The following SLC25A48 variants were observed in gnomAD, a reference collection of about 807,000 sequenced individuals.
SLC25A48 encodes solute carrier family 25 member 48.
A neutral mutation model predicts 32.2 loss-of-function variants in SLC25A48; 29 were observed. The observed-to-expected ratio is 0.90, with a 90% CI of 0.67 to 1.23. The LOEUF is 1.23. Among genes scored for constraint, SLC25A48 ranks in the 50% most tolerant of loss-of-function variants. SLC25A48 has a pLI of 0.00. For synonymous variants in SLC25A48, 164 were observed against 172.3 expected (o/e 0.95, Z 0.38); for missense variants, 399 against 422.7 (o/e 0.94, Z 0.49).
intron 1 of SLC25A48, among the ~76,000 whole-genome samples, chr5:135,589,152 T>C (rs1018405837): frequency 6.6e-6 from 1 of 152,246 alleles, no homozygotes; most frequent in African/African-American, 2.4e-5. Context: ...TCATAAACGC[T>C]GTATAATCCC....
Position 135,701,343 on chromosome 5 carries a change from G to A in SLC25A48, c.-521+66387G>A, listed in dbSNP as rs537629321. Among the ~76,000 whole-genome samples the A allele has an allele frequency of 1.7e-3, 263 of 152,212 alleles. 1 individual carries two copies. The highest frequency in any genetic ancestry group is 6.2e-3 in the African/African-American group (256 of 41,542). On this transcript the variant is annotated intron_variant, in intron 3 of 10. Coordinates refer to the SLC25A48 transcript ENST00000646290. The stretch of plus-strand genomic sequence containing the variant: ...GGTTCAACAACTTCACATCTTGGGA[G>A]TTTTTTTCTGATAATCACCTCTACC...
At chr5:135,603,825 C>A (rs944280959) in intron 1 of SLC25A48, among the ~76,000 whole-genome samples, 15 of 151,490 alleles carry the variant, frequency 9.9e-5, no homozygotes, top group Admixed American at 3.3e-4. Context: ...GCTCTGTGAC[C>A]ATGATCGGGC....
At chr5:135,782,358 C>A (rs1420886919) in intron 3 of SLC25A48, among the ~76,000 whole-genome samples, 1 of 116,436 alleles carries the variant, frequency 8.6e-6, no homozygotes, top group African/African-American at 2.6e-5. Context: ...ACCCCCCTTT[C>A]TCGTTCCTAA....
intron 3 of SLC25A48, among the ~76,000 whole-genome samples, chr5:135,635,834 C>T (rs1486518144): frequency 2.6e-5 from 4 of 152,164 alleles, no homozygotes; most frequent in African/African-American, 9.7e-5. Context: ...TGACAGGAAA[C>T]CCACTACCTC....
At chr5:135,631,480 C>T (rs1483371538) in intron 2 of SLC25A48, among the ~76,000 whole-genome samples, 1 of 152,216 alleles carries the variant, frequency 6.6e-6, no homozygotes, top group African/African-American at 2.4e-5. Flanking sequence ...TCAAGAATTG[C>T]TCTGTGCAAC....
chr5:135,624,847 A>G (rs1274708247), intron 1 of SLC25A48, among the ~76,000 whole-genome samples: 2 of 152,236 alleles, frequency 1.3e-5, no homozygotes, highest in Non-Finnish European at 2.9e-5. Context: ...TATGGCCAAC[A>G]GATCCGATTT....
chr5:135,839,053 C>T (rs4320253), intron 1 of SLC25A48, among the ~76,000 whole-genome samples: 28,402 of 152,208 alleles, frequency 0.19, 2,790 homozygotes, highest in Middle Eastern at 0.25. Flanking sequence ...TTGCCAGCCT[C>T]ATGGGTATTA....
In SLC25A48 at chr5:135,603,134, G is replaced by A. The variant is rs139033898; in HGVS notation, c.-849+23537G>A. On this transcript the variant is annotated intron_variant, in intron 1 of 10. Coordinates refer to the SLC25A48 transcript ENST00000646290. ...GGGAAAACAGAAAAGTCACTCCCAA[G>A]CCTCCAGCCCAGGCCCATATCCTGG... 3.2e-3 allele frequency among the ~76,000 whole-genome samples: 480 copies of A among 152,288 alleles called. 3 individuals are homozygous for A. The highest frequency in any genetic ancestry group is 0.011 in the African/African-American group (445 of 41,556).
chr5:135,581,691 C>T (rs1042415137), intron 1 of SLC25A48, among the ~76,000 whole-genome samples: 2 of 152,206 alleles, frequency 1.3e-5, no homozygotes, highest in Non-Finnish European at 2.9e-5. Flanking sequence ...GTCAGACGTC[C>T]CAGTGTTTTG....
At position 135,588,704 on chromosome 5, in the gene SLC25A48, C is replaced by T. The variant is rs1580704061; in HGVS notation, c.-849+9107C>T. Among the ~76,000 whole-genome samples the T allele has an allele frequency of 2.0e-5, 3 of 152,232 alleles. No homozygotes were observed. In the East Asian group the frequency reaches 5.8e-4, roughly 29 times the overall value. On this transcript the variant is annotated intron_variant, in intron 1 of 10. Transcript: ENST00000646290. ...GAGAGGGGTGAGTGAAGGTGACCCG[C>T]AGGGACAGGGCAGCTGAGGTCCAGC...
chr5:135,618,827 C>T (rs760806205), intron 1 of SLC25A48, among the ~76,000 whole-genome samples: 2 of 151,138 alleles, frequency 1.3e-5, no homozygotes, highest in Non-Finnish European at 1.5e-5. Flanking sequence ...ATCATTCTCT[C>T]CTGGCCTGTA....
At chr5:135,785,699 A>T (rs1756824539) in intron 3 of SLC25A48, among the ~76,000 whole-genome samples, 1 of 146,582 alleles carries the variant, frequency 6.8e-6, no homozygotes, top group Non-Finnish European at 1.5e-5. Flanking sequence ...CCAGTGGATC[A>T]TAATATCCAG....
chr5:135,832,718 G>A (rs773363810), upstream of SLC25A48, among the ~76,000 whole-genome samples: 5 of 152,202 alleles, frequency 3.3e-5, no homozygotes, highest in Non-Finnish European at 5.9e-5. Flanking sequence ...GCCTGAAAGG[G>A]TAAATAAGAA....
intron 3 of SLC25A48, among the ~76,000 whole-genome samples, chr5:135,665,646 C>T (rs941518271): frequency 2.0e-5 from 3 of 151,954 alleles, no homozygotes; most frequent in Non-Finnish European, 4.4e-5. Context: ...ATGTGGCTAG[C>T]AAGTTTTCCC....
chr5:135,707,131 G>T lies in SLC25A48; in HGVS notation c.-521+72175G>T, dbSNP rs559798857. ...TGTGCTGCAGGAGAAGTGGGGTAGGGTGGAAGCTGTCCAGGGAAGCTCCCA... is the reference window on the plus strand; with the variant it reads ...TGTGCTGCAGGAGAAGTGGGGTAGGTTGGAAGCTGTCCAGGGAAGCTCCCA... On this transcript the variant is annotated intron_variant, in intron 3 of 10. Transcript: ENST00000646290. Among the ~76,000 whole-genome samples the T allele has an allele frequency of 5.3e-5, 8 of 152,220 alleles. No homozygotes were observed. In the East Asian group the frequency reaches 1.6e-3, roughly 30 times the overall value.
intron 3 of SLC25A48, among the ~76,000 whole-genome samples, chr5:135,635,860 C>T (rs758867755): frequency 5.3e-5 from 8 of 152,302 alleles, no homozygotes; most frequent in Non-Finnish European, 8.8e-5. Flanking sequence ...ACAGCCCATT[C>T]CAGTCATCGT....
At chr5:135,753,122 A>G (rs1755808994) in intron 3 of SLC25A48, among the ~76,000 whole-genome samples, 2 of 152,072 alleles carry the variant, frequency 1.3e-5, no homozygotes, top group African/African-American at 4.8e-5. Flanking sequence ...TATTATGCGT[A>G]ATATCACAGG....
chr5:135,673,700 T>G (rs1047511036), intron 3 of SLC25A48, among the ~76,000 whole-genome samples: 2 of 152,092 alleles, frequency 1.3e-5, no homozygotes, highest in African/African-American at 2.4e-5. Flanking sequence ...AATGAACAAA[T>G]ATTTTAAATT....
At chr5:135,715,089 G>A (rs1237992813) in intron 3 of SLC25A48, among the ~76,000 whole-genome samples, 2 of 152,198 alleles carry the variant, frequency 1.3e-5, no homozygotes, top group Non-Finnish European at 2.9e-5. Context: ...GAGGCCTGGA[G>A]GCCCCAAGAA....
Sources: gnomAD v4.1 joint callset for allele counts (sites outside exome capture counted in the v4.1 genomes callset) on GRCh38, gnomAD v4.1.1 for gene constraint, MANE v1.5 for transcripts, NCBI Gene and HGNC (gene_info 2026-07-23, HGNC 2026-07-21) for gene names.